Variants in NRXN1 observed in about 807,000 individuals in gnomAD.
NRXN1 encodes neurexin 1, also known as neurexin-1.
A neutral mutation model predicts 150.9 loss-of-function variants in NRXN1; 39 were observed. The ratio of observed to expected loss-of-function variants is 0.26; its 90% CI spans 0.20 to 0.34. The LOEUF is 0.34. Ranked by LOEUF, NRXN1 falls within the 10% of genes least tolerant of loss-of-function variation. NRXN1 has a pLI of 1.00. For missense variants in NRXN1, 1,815 were observed against 1,949.9 expected, an observed-to-expected ratio of 0.93 and a Z score of 1.30; for synonymous variants, 924 against 757.0, an observed-to-expected ratio of 1.22 and a Z score of -3.62.
chr2:50,248,414 TG>T (rs2066712862), intron 17 of NRXN1, among the ~76,000 whole-genome samples: 1 of 152,184 alleles, frequency 6.6e-6, no homozygotes. Flanking sequence ...AGATTTTGTT[TG>T]GCTATAAAAA....
intron 17 of NRXN1, among the ~76,000 whole-genome samples, chr2:50,406,059 C>T (rs1452391858): frequency 2.0e-5 from 3 of 152,012 alleles, no homozygotes; most frequent in Non-Finnish European, 4.4e-5. Context: ...TAGTTGAGCT[C>T]CAGAGCTTAC....
intron 5 of NRXN1, among the ~76,000 whole-genome samples, chr2:50,740,623 G>A (rs1035589): frequency 0.13 from 20,008 of 152,104 alleles, 1,934 homozygotes; most frequent in East Asian, 0.3. Context: ...GCCTGTGTAC[G>A]TATATAAAAT....
intron 5 of NRXN1, among the ~76,000 whole-genome samples, chr2:50,748,875 GTGTC>G (rs1700276906): frequency 6.6e-6 from 1 of 152,094 alleles, no homozygotes; most frequent in Non-Finnish European, 1.5e-5. Context: ...CTGTCAGTGA[GTGTC>G]TGGTTTCGGT....
intron 2 of NRXN1, among the ~76,000 whole-genome samples, chr2:50,935,526 G>A (rs1402842295): frequency 6.6e-6 from 1 of 152,112 alleles, no homozygotes; most frequent in Non-Finnish European, 1.5e-5. Flanking sequence ...CTTGAGGTCA[G>A]CAGTTCCAAC....
At chr2:50,207,027 T>G (rs2062646190) in intron 18 of NRXN1, among the ~76,000 whole-genome samples, 1 of 151,966 alleles carries the variant, frequency 6.6e-6, no homozygotes, top group South Asian at 2.1e-4. Flanking sequence ...CAGCTGCTCT[T>G]CTAGCACTCT....
chr2:50,464,279 T>C (rs1186366466), intron 17 of NRXN1, among the ~76,000 whole-genome samples: 1 of 151,684 alleles, frequency 6.6e-6, no homozygotes, highest in Non-Finnish European at 1.5e-5. Context: ...GGCATGGTTG[T>C]TAAAGGCCTC....
chr2:50,083,714 C>A (rs1206177136), intron 19 of NRXN1, among the ~76,000 whole-genome samples: 2 of 152,172 alleles, frequency 1.3e-5, no homozygotes, highest in African/African-American at 4.8e-5. Flanking sequence ...TTTCAGAGAG[C>A]TGACTGGTCC....
At chr2:50,465,639 A>T (rs1293968409) in intron 16 of NRXN1, 78 bp from the exon 17 acceptor site, 1 of 1,443,820 alleles carries the variant, frequency 6.9e-7, no homozygotes, top group African/African-American at 1.4e-5. Context: ...GATCACATGT[A>T]GTAGTTGCCA....
At chr2:50,979,329 C>T in intron 2 of NRXN1, 2 of 512,182 alleles carry the variant, frequency 3.9e-6, no homozygotes, top group South Asian at 2.8e-5. Context: ...GCAATTCCAT[C>T]CCTATTCTCA....
intron 5 of NRXN1, among the ~76,000 whole-genome samples, chr2:50,785,536 C>G (rs1490295197): frequency 1.3e-5 from 2 of 152,140 alleles, no homozygotes; most frequent in African/African-American, 4.8e-5. Flanking sequence ...GCATGAGCCA[C>G]CGTGCCCAGC....
chr2:50,125,463 T>C (rs1003747301), intron 18 of NRXN1, among the ~76,000 whole-genome samples: 5 of 152,110 alleles, frequency 3.3e-5, no homozygotes, highest in African/African-American at 4.8e-5. Flanking sequence ...CAACAGGATA[T>C]GAAATCCTGG....
rs1451799524 is a variant in NRXN1 at position 50,424,235 on chromosome 2, AGAG to A, written c.3364+41204_3364+41206del. Among the ~76,000 whole-genome samples the A allele has an allele frequency of 2.9e-5, 3 of 104,196 alleles. No homozygotes were observed. The East Asian group carries it at 1.1e-3, about 38-fold the overall frequency. 68.4% of individuals were successfully genotyped at this position (104,196 alleles called of 152,430 possible). ...GAGGAGAAGGAGAAGAAGAAGAAGA[AGAG>A]GAGGAGGAAGAAAGTGAGGAAGAGG... On this transcript the variant is annotated intron_variant, in intron 17 of 22. Transcript: ENST00000401669.
intron 19 of NRXN1, among the ~76,000 whole-genome samples, chr2:50,057,885 T>C (rs919554992): frequency 1.3e-5 from 2 of 152,130 alleles, no homozygotes; most frequent in Admixed American, 6.5e-5. Flanking sequence ...GATTTGAACA[T>C]CTCTACAATC....
chr2:50,109,505 T>C (rs1237965113), intron 18 of NRXN1, among the ~76,000 whole-genome samples: 2 of 152,140 alleles, frequency 1.3e-5, no homozygotes, highest in African/African-American at 4.8e-5. Context: ...CTTCCTGTCT[T>C]TTTTGAGATC....
intron 17 of NRXN1, among the ~76,000 whole-genome samples, chr2:50,319,193 T>A (rs1414990179): frequency 6.6e-6 from 1 of 152,132 alleles, no homozygotes; most frequent in Non-Finnish European, 1.5e-5. Context: ...TGACTGAAAG[T>A]TGAAAATGTT....
At chr2:49,980,137 T>C (rs546652967) in intron 21 of NRXN1, among the ~76,000 whole-genome samples, 1 of 152,240 alleles carries the variant, frequency 6.6e-6, no homozygotes, top group South Asian at 2.1e-4. Context: ...CAACTGAAAG[T>C]CTACGACTAC....
intron 21 of NRXN1, among the ~76,000 whole-genome samples, chr2:50,049,018 C>A (rs1692273120): frequency 1.3e-5 from 2 of 151,982 alleles, no homozygotes; most frequent in Non-Finnish European, 2.9e-5. Flanking sequence ...AAAAACCAGG[C>A]AAGGATACCA....
At chr2:50,198,023 C>T (rs1296166080) in intron 18 of NRXN1, among the ~76,000 whole-genome samples, 1 of 152,074 alleles carries the variant, frequency 6.6e-6, no homozygotes, top group Non-Finnish European at 1.5e-5. Context: ...AAGACAACTC[C>T]CTCCTTATTC....
At chr2:49,997,118 C>T (rs13417424) in intron 21 of NRXN1, among the ~76,000 whole-genome samples, 10,530 of 152,102 alleles carry the variant, frequency 0.069, 616 homozygotes, top group African/African-American at 0.16. Flanking sequence ...AAATCTTTTT[C>T]GAACACAGTA....
Sources: allele counts gnomAD v4.1 joint callset (sites outside exome capture counted in the v4.1 genomes callset), GRCh38; gene constraint gnomAD v4.1.1; transcripts MANE v1.5; gene names NCBI Gene and HGNC (gene_info 2026-07-23, HGNC 2026-07-21).